CIMIP2A: variants seen among roughly 807,000 people sequenced by gnomAD.
The protein encoded by CIMIP2A is ciliary microtubule inner protein 2A.
chr9:137,244,862 C>T, the CIMIP2A span: 2 of 1,565,504 alleles, frequency 1.3e-6, no homozygotes, highest in East Asian at 2.3e-5. Flanking sequence ...ACGTTGGCGA[C>T]TGTCTGATGT....
the CIMIP2A span, chr9:137,252,309 G>A: frequency 5.3e-6 from 7 of 1,313,940 alleles, no homozygotes; most frequent in African/African-American, 2.9e-5. Context: ...GCTAGGGCTG[G>A]GGCATGGGTG....
the CIMIP2A span, chr9:137,244,267 A>G: frequency 6.2e-6 from 10 of 1,613,784 alleles, no homozygotes; most frequent in African/African-American, 8.0e-5. Context: ...CCCAGGTCAC[A>G]GTGGGGGTTT....
At chr9:137,244,630 G>C in the CIMIP2A span, 1 of 1,613,370 alleles carries the variant, frequency 6.2e-7, no homozygotes, top group Non-Finnish European at 8.5e-7. Context: ...GCCCTGGATG[G>C]CGCTTTCCTA....
chr9:137,253,383 G>A, the CIMIP2A span: 10 of 1,513,792 alleles, frequency 6.6e-6, no homozygotes, highest in Non-Finnish European at 8.8e-6. Context: ...GCACCCTTCT[G>A]GCTGGCCAAC....
At chr9:137,244,437 C>G in the CIMIP2A span, 3 of 1,518,234 alleles carry the variant, frequency 2.0e-6, no homozygotes, top group Non-Finnish European at 2.6e-6. Flanking sequence ...ACCCCCGACT[C>G]CAAAACTTGA....
At chr9:137,252,222 C>A in the CIMIP2A span, 2 of 1,516,316 alleles carry the variant, frequency 1.3e-6, no homozygotes, top group Non-Finnish European at 1.8e-6. Flanking sequence ...GAAACCCCCA[C>A]GGCCTGAGGG....
chr9:137,244,403 G>T, the CIMIP2A span: 3 of 1,570,332 alleles, frequency 1.9e-6, no homozygotes, highest in East Asian at 4.5e-5. Context: ...AGCTGCTAAT[G>T]CTCCCAGCCT....
the CIMIP2A span, among the ~76,000 whole-genome samples, chr9:137,253,792 C>T: frequency 2.6e-5 from 4 of 152,316 alleles, no homozygotes; most frequent in East Asian, 3.9e-4. Flanking sequence ...TGCCCTGAGC[C>T]GCCACCTCCA....
At chr9:137,245,744 G>C in the CIMIP2A span, 3 of 1,594,976 alleles carry the variant, frequency 1.9e-6, no homozygotes, top group Non-Finnish European at 2.6e-6. Context: ...ATGGGGGACA[G>C]CACAGAGCAG....
the CIMIP2A span, among the ~76,000 whole-genome samples, chr9:137,249,882 A>C: frequency 6.6e-6 from 1 of 152,214 alleles, no homozygotes; most frequent in South Asian, 2.1e-4. Flanking sequence ...CCAGCAAATT[A>C]ACCCAAAGAC....
chr9:137,244,283 CAG>C, the CIMIP2A span: 8,647 of 1,613,752 alleles, frequency 5.4e-3, 33 homozygotes, highest in Middle Eastern at 6.9e-3. Flanking sequence ...GGTTTCTAAA[CAG>C]GAACTGGGGA....
the CIMIP2A span, among the ~76,000 whole-genome samples, chr9:137,247,993 A>G: frequency 2.0e-5 from 3 of 152,152 alleles, no homozygotes; most frequent in Non-Finnish European, 4.4e-5. Flanking sequence ...GTCCCTCCAG[A>G]AAGGGCCTGG....
chr9:137,253,532 G>C, the CIMIP2A span: 1 of 1,397,044 alleles, frequency 7.2e-7, no homozygotes, highest in East Asian at 2.6e-5. Flanking sequence ...CGGTCCTAGA[G>C]ATATGGCTGC....
the CIMIP2A span, chr9:137,251,790 G>A: frequency 1.3e-4 from 213 of 1,594,730 alleles, no homozygotes; most frequent in Admixed American, 1.9e-4. Context: ...GGCCTGGGAT[G>A]AGACACAGCC....
chr9:137,246,539 G>C, the CIMIP2A span, among the ~76,000 whole-genome samples: 4 of 151,532 alleles, frequency 2.6e-5, no homozygotes, highest in East Asian at 1.9e-4. Context: ...TGAGGCGGGC[G>C]GATCACGAGG....
the CIMIP2A span, chr9:137,244,381 A>T: frequency 6.3e-7 from 1 of 1,589,708 alleles, no homozygotes; most frequent in African/African-American, 1.3e-5. Flanking sequence ...GAGGGCCGGC[A>T]CTCCGTGGGA....
the CIMIP2A span, chr9:137,245,791 C>T: frequency 6.5e-7 from 1 of 1,536,464 alleles, no homozygotes; most frequent in Non-Finnish European, 8.8e-7. Context: ...GAGCAGCTGC[C>T]CCGTGGTACG....
At chr9:137,252,078 G>A in the CIMIP2A span, 12 of 1,612,714 alleles carry the variant, frequency 7.4e-6, no homozygotes, top group Admixed American at 6.7e-5. Flanking sequence ...GAGCCCGTCC[G>A]TACGAGAGTC....
chr9:137,244,400 A>C, the CIMIP2A span: 4 of 1,574,266 alleles, frequency 2.5e-6, no homozygotes, highest in Non-Finnish European at 3.4e-6. Flanking sequence ...GAAAGCTGCT[A>C]ATGCTCCCAG....
Sources: gnomAD v4.1 joint callset for allele counts (sites outside exome capture counted in the v4.1 genomes callset) on GRCh38, gnomAD v4.1.1 for gene constraint, MANE v1.5 for transcripts, NCBI Gene and HGNC (gene_info 2026-07-23, HGNC 2026-07-21) for gene names.